Variants in MBNL1 observed in about 807,000 individuals in gnomAD.
MBNL1 encodes the protein muscleblind like splicing regulator 1.
Under a neutral mutation model 42.2 loss-of-function variants are expected in MBNL1, and 8 were observed. That is an observed-to-expected ratio of 0.19 (90% CI 0.11 to 0.34). MBNL1 has a LOEUF of 0.34. Among genes scored for constraint, MBNL1 ranks in the 10% least tolerant of loss-of-function variants. The pLI is 1.00. For synonymous variants in MBNL1, 169 were observed against 173.9 expected, an observed-to-expected ratio of 0.97 and a Z score of 0.22; for missense variants, 309 against 495.3, an observed-to-expected ratio of 0.62 and a Z score of 3.57.
chr3:152,394,510 C>T (rs145331287), intron 2 of MBNL1, among the ~76,000 whole-genome samples: 148 of 152,278 alleles, frequency 9.7e-4, no homozygotes, highest in African/African-American at 2.9e-3. Flanking sequence ...ATGTCTGAAT[C>T]CTTGTCAGCA....
intron 2 of MBNL1, among the ~76,000 whole-genome samples, chr3:152,395,811 C>A (rs1312373632): frequency 6.6e-6 from 1 of 152,172 alleles, no homozygotes; most frequent in Admixed American, 6.5e-5. Context: ...TGTTGCCTAG[C>A]GGGAATGTTC....
intron 2 of MBNL1, among the ~76,000 whole-genome samples, chr3:152,402,203 G>T (rs1462417302): frequency 7.2e-5 from 11 of 152,036 alleles, no homozygotes; most frequent in Admixed American, 7.2e-4. Flanking sequence ...GGGAACCAGG[G>T]GTTGCAAGGT....
intron 6 of MBNL1, among the ~76,000 whole-genome samples, chr3:152,451,306 C>T (rs1722494201): frequency 6.6e-6 from 1 of 152,176 alleles, no homozygotes; most frequent in African/African-American, 2.4e-5. Context: ...AAAATTACTA[C>T]ATACTTTAAC....
At chr3:152,444,423 A>C (rs1249800084) in intron 4 of MBNL1, among the ~76,000 whole-genome samples, 2 of 152,220 alleles carry the variant, frequency 1.3e-5, no homozygotes, top group Admixed American at 6.5e-5. Flanking sequence ...TATAGCTACC[A>C]AGTGAATCTC....
intron 9 of MBNL1, 86 bp downstream of exon 9, chr3:152,459,431 A>C: frequency 1.8e-6 from 1 of 550,128 alleles, no homozygotes; most frequent in Non-Finnish European, 3.0e-6. Context: ...AAATTTTGCG[A>C]AATCTCTGAG....
chr3:152,262,053 A>G (rs868005579), intron 2 of MBNL1, among the ~76,000 whole-genome samples: 3 of 152,108 alleles, frequency 2.0e-5, no homozygotes, highest in African/African-American at 7.2e-5. Context: ...TCTGTCCCCA[A>G]CCGCTAGACT....
chr3:152,276,363 G>A (rs1433558389), intron 1 of MBNL1, among the ~76,000 whole-genome samples: 2 of 152,106 alleles, frequency 1.3e-5, no homozygotes, highest in Non-Finnish European at 1.5e-5. Flanking sequence ...ACAGATAGGG[G>A]AACTGAAGCA....
At chr3:152,244,321 AG>A (rs1254421364) in exon 2 of MBNL1, 1 of 152,196 alleles carries the variant, frequency 6.6e-6, no homozygotes, top group East Asian at 1.9e-4. Context: ...CCTTTTGCAG[AG>A]GAAAAAAAAT....
At chr3:152,457,325 G>A (rs944681112) in intron 8 of MBNL1, among the ~76,000 whole-genome samples, 2 of 152,172 alleles carry the variant, frequency 1.3e-5, no homozygotes, top group Non-Finnish European at 2.9e-5. Flanking sequence ...CACAGAGGAA[G>A]ATTAAAGGTA....
At chr3:152,444,933 G>C (rs78663454) in intron 4 of MBNL1, among the ~76,000 whole-genome samples, 9,319 of 152,090 alleles carry the variant, frequency 0.061, 411 homozygotes, top group Non-Finnish European at 0.094. Context: ...CTCATTATTG[G>C]TGATATTAAT....
At chr3:152,284,986 T>C (rs924921336) in intron 1 of MBNL1, among the ~76,000 whole-genome samples, 3 of 152,204 alleles carry the variant, frequency 2.0e-5, no homozygotes, top group African/African-American at 7.2e-5. Context: ...AAGACATTTG[T>C]ATCTGAAGTG....
intron 2 of MBNL1, among the ~76,000 whole-genome samples, chr3:152,407,081 AC>A (rs1236793748): frequency 2.0e-4 from 20 of 98,084 alleles, no homozygotes; most frequent in Admixed American, 1.9e-3. Flanking sequence ...GTTTGTGTGA[AC>A]TTTTCACAGG....
rs1433231695 is a variant in MBNL1, at chr3:152,372,397, G to T, written c.175-42544G>T. Among the ~76,000 whole-genome samples, 5 of 152,184 alleles carry T rather than the reference G, an allele frequency of 3.3e-5. No individual in the cohort carries two copies. The East Asian group carries it at 9.6e-4, about 29-fold the overall frequency. ...GGTGTTCTGGTTTTTGGAATTTTCA[G>T]CCTTCTTGTGCTGGTTTTTCCTCAT... On this transcript the variant is annotated intron_variant, in intron 2 of 9. Coordinates refer to ENST00000324210, the MANE Select transcript of MBNL1 (RefSeq NM_021038.5).
intron 4 of MBNL1, among the ~76,000 whole-genome samples, chr3:152,440,257 T>G (rs1184096733): frequency 6.6e-6 from 1 of 152,196 alleles, no homozygotes; most frequent in African/African-American, 2.4e-5. Context: ...TGATCAAATA[T>G]GTACAATTAT....
chr3:152,309,723 C>T (rs1398201390), intron 2 of MBNL1, among the ~76,000 whole-genome samples: 1 of 152,166 alleles, frequency 6.6e-6, no homozygotes, highest in Non-Finnish European at 1.5e-5. Context: ...GTAATTCCTT[C>T]TTTTCCATAT....
intron 2 of MBNL1, among the ~76,000 whole-genome samples, chr3:152,400,093 G>A (rs1365432019): frequency 6.6e-6 from 1 of 152,094 alleles, no homozygotes. Context: ...TGTACTATGA[G>A]GCTAATAAGA....
At chr3:152,397,028 G>A (rs1272846159) in intron 2 of MBNL1, among the ~76,000 whole-genome samples, 1 of 152,098 alleles carries the variant, frequency 6.6e-6, no homozygotes, top group Admixed American at 6.6e-5. Context: ...TAGTAAGCTG[G>A]CTGGACAATA....
chr3:152,348,288 T>C (rs750251690), intron 2 of MBNL1, among the ~76,000 whole-genome samples: 1 of 152,074 alleles, frequency 6.6e-6, no homozygotes, highest in Admixed American at 6.6e-5. Context: ...CTCAAACAGG[T>C]GGATAAGCCA....
intron 2 of MBNL1, among the ~76,000 whole-genome samples, chr3:152,246,766 G>C (rs2033132078): frequency 6.6e-6 from 1 of 151,786 alleles, no homozygotes; most frequent in South Asian, 2.1e-4. Context: ...TCTTAATAAG[G>C]CATAGTTTGA....
Sources: gnomAD v4.1 joint callset for allele counts (sites outside exome capture counted in the v4.1 genomes callset) on GRCh38, gnomAD v4.1.1 for gene constraint, MANE v1.5 for transcripts, NCBI Gene and HGNC (gene_info 2026-07-23, HGNC 2026-07-21) for gene names.